Variants in ZNF718 observed in about 807,000 individuals in gnomAD.
The protein encoded by ZNF718 is zinc finger protein 718.
ZNF718 carries 3 observed loss-of-function variants against 2.6 expected under a neutral mutation model. The ratio of observed to expected loss-of-function variants is 1.16; its 90% confidence interval spans 0.53 to 3.01. The LOEUF is 3.01. Among genes scored for constraint, ZNF718 ranks in the 30% most tolerant of loss-of-function variants. ZNF718 has a pLI of 0.03. For synonymous variants in ZNF718, 135 were observed against 77.9 expected, an observed-to-expected ratio of 1.73 and a Z score of -3.86; for missense variants, 468 against 230.0, an observed-to-expected ratio of 2.03 and a Z score of -6.69.
At chr4:158,663 C>G (rs1356573325) in intron 3 of ZNF718, among the ~76,000 whole-genome samples, 1 of 151,916 alleles carries the variant, frequency 6.6e-6, no homozygotes, top group African/African-American at 2.4e-5. Context: ...ATTGATGTCA[C>G]TAATCATATT....
intron 3 of ZNF718, among the ~76,000 whole-genome samples, chr4:180,149 CAG>C (rs1409570303): frequency 6.6e-6 from 1 of 152,178 alleles, no homozygotes; most frequent in Non-Finnish European, 1.5e-5. Context: ...CTGGGAGAGA[CAG>C]AGATATTGGA....
At chr4:143,161 C>G (rs1184121495) in intron 3 of ZNF718, among the ~76,000 whole-genome samples, 2 of 152,158 alleles carry the variant, frequency 1.3e-5, no homozygotes, top group African/African-American at 4.8e-5. Context: ...TGGACACACA[C>G]TAATCTAAGT....
At chr4:160,449 G>A (rs1716772782) in intron 3 of ZNF718, among the ~76,000 whole-genome samples, 1 of 152,050 alleles carries the variant, frequency 6.6e-6, no homozygotes, top group Non-Finnish European at 1.5e-5. Context: ...AAGAAATTAT[G>A]GCCTGTGGTA....
At chr4:142,605 A>G (rs1553810443) in intron 3 of ZNF718, among the ~76,000 whole-genome samples, 1 of 152,210 alleles carries the variant, frequency 6.6e-6, no homozygotes. Context: ...TGATTTAAAA[A>G]GGTATCCCTC....
intron 3 of ZNF718, among the ~76,000 whole-genome samples, chr4:143,129 G>A (rs1384675816): frequency 1.3e-5 from 2 of 152,190 alleles, no homozygotes; most frequent in Non-Finnish European, 2.9e-5. Context: ...GTAACTGAGA[G>A]TGGCTCTAAG....
rs1448713361 is a variant in ZNF718 at position 130,682 on chromosome 4, C to T, written c.4-106C>T. On this transcript the variant is annotated intron_variant, in intron 1 of 3. Transcript: ENST00000510175. ...ACTTGAGCCTGGGAGGTGAAGTTTG[C>T]AGTGAGCTGAGACCGTACCACTGCA... 1.0e-4 allele frequency: 18 copies of T among 173,142 alleles called. 2 individuals carry two copies. The South Asian group carries it at 3.4e-3, about 33-fold the overall frequency. The allele number at this position is 173,142 out of a possible 1,614,324, so 10.7% of individuals were successfully genotyped here. A position where few individuals can be genotyped will look rare whatever the true frequency, so the allele number is the denominator to read the frequency against.
intron 3 of ZNF718, among the ~76,000 whole-genome samples, chr4:143,936 T>G (rs1715928987): frequency 6.6e-6 from 1 of 152,066 alleles, no homozygotes; most frequent in South Asian, 2.1e-4. Context: ...CTATAAGGAT[T>G]TATGGGGATC....
chr4:190,749 TA>T (rs1379605450), intron 3 of ZNF718, among the ~76,000 whole-genome samples: 1 of 152,094 alleles, frequency 6.6e-6, no homozygotes, highest in African/African-American at 2.4e-5. Context: ...AAAACAAATC[TA>T]TTTTTTTCAA....
At chr4:191,932 C>T (rs1048424830) in intron 3 of ZNF718, among the ~76,000 whole-genome samples, 1 of 152,130 alleles carries the variant, frequency 6.6e-6, no homozygotes, top group Admixed American at 6.6e-5. Flanking sequence ...AGTGTTATAG[C>T]TCTATTAGAA....
intron 3 of ZNF718, among the ~76,000 whole-genome samples, chr4:171,384 G>A (rs1300284265): frequency 6.6e-6 from 1 of 152,148 alleles, no homozygotes; most frequent in Non-Finnish European, 1.5e-5. Flanking sequence ...AGACAGGGAC[G>A]TTTAAGTCTG....
Position 150,127 on chromosome 4 carries a change from C to G in ZNF718, c.227-10785C>G, listed in dbSNP as rs1337515376. On this transcript the variant is annotated intron_variant, in intron 3 of 3. Coordinates refer to ENST00000510175, the MANE Select transcript of ZNF718 (RefSeq NM_001039127.6). ...GTCATTAATGTCTGTTTCTGTTTGA[C>G]TATCTAATTTAATGTAATGTTCTCA... 2.0e-5 allele frequency: 3 copies of G among 149,514 alleles called. No homozygotes were observed. The East Asian group carries it at 5.9e-4, about 29-fold the overall frequency. 9.3% of individuals were successfully genotyped at this position (149,514 alleles called of 1,614,324 possible).
chr4:165,093 C>G (rs1717057783), downstream of ZNF718, among the ~76,000 whole-genome samples: 1 of 152,198 alleles, frequency 6.6e-6, no homozygotes, highest in Non-Finnish European at 1.5e-5. Flanking sequence ...ATGTGTTCAT[C>G]CTCAGCTGTG....
At chr4:198,114 C>T (rs1717828223) in intron 3 of ZNF718, among the ~76,000 whole-genome samples, 1 of 152,132 alleles carries the variant, frequency 6.6e-6, no homozygotes, top group East Asian at 1.9e-4. Flanking sequence ...CCCCAGGCAC[C>T]ATGACATAGC....
intron 3 of ZNF718, among the ~76,000 whole-genome samples, chr4:135,239 T>TAAAAA (rs1227093983): frequency 7.4e-6 from 1 of 135,646 alleles, no homozygotes; most frequent in Admixed American, 7.4e-5. Flanking sequence ...ACTCTTGTCT[T>TAAAAA]AAAAAAAAAA....
chr4:177,484 C>A (rs1217273375), intron 3 of ZNF718, among the ~76,000 whole-genome samples: 3 of 152,162 alleles, frequency 2.0e-5, no homozygotes, highest in African/African-American at 4.8e-5. Flanking sequence ...GGGGTGCCAC[C>A]TGGTCCCAGA....
At chr4:133,199 T>C (rs1406162573) in intron 3 of ZNF718, among the ~76,000 whole-genome samples, 1 of 17,008 alleles carries the variant, frequency 5.9e-5, no homozygotes, top group African/African-American at 3.0e-4. Flanking sequence ...AAAAAAAATA[T>C]ATATATATAT....
intron 1 of ZNF718, among the ~76,000 whole-genome samples, chr4:126,486 C>G (rs1553808043): frequency 2.0e-5 from 3 of 152,214 alleles, no homozygotes; most frequent in African/African-American, 7.2e-5. Flanking sequence ...ATATATCCCA[C>G]AGTTTCTGTA....
At chr4:175,153 C>T (rs543568429) in intron 3 of ZNF718, among the ~76,000 whole-genome samples, 10 of 152,350 alleles carry the variant, frequency 6.6e-5, no homozygotes, top group African/African-American at 1.9e-4. Context: ...GACTCAATTT[C>T]AAGAGGCCAT....
At chr4:157,102 T>C (rs1445897450) in intron 3 of ZNF718, among the ~76,000 whole-genome samples, 2 of 67,080 alleles carry the variant, frequency 3.0e-5, no homozygotes, top group African/African-American at 1.1e-4. Flanking sequence ...TTTCTTTCTT[T>C]CTTTTTTTTT....
Sources: allele counts gnomAD v4.1 joint callset (sites outside exome capture counted in the v4.1 genomes callset), GRCh38; gene constraint gnomAD v4.1.1; transcripts MANE v1.5; gene names NCBI Gene and HGNC (gene_info 2026-07-23, HGNC 2026-07-21).